The following ALG1L2 variants were observed in gnomAD, a reference collection of about 807,000 sequenced individuals.
ALG1L2 encodes putative glycosyltransferase ALG1L2.
ALG1L2 carries 32 observed loss-of-function variants against 29.0 expected under a neutral mutation model. The ratio of observed to expected loss-of-function variants is 1.10; its 90% CI spans 0.83 to 1.48. ALG1L2 has a LOEUF of 1.48. Among genes scored for constraint, ALG1L2 ranks in the 40% most tolerant of loss-of-function variants. The pLI is 0.00. For missense variants in ALG1L2, 318 were observed against 274.1 expected, an observed-to-expected ratio of 1.16 and a Z score of -1.13; for synonymous variants, 110 against 109.5, an observed-to-expected ratio of 1.00 and a Z score of -0.03.
At chr3:130,086,558 TC>T (rs1303047046) in intron 1 of ALG1L2, among the ~76,000 whole-genome samples, 24 of 147,744 alleles carry the variant, frequency 1.6e-4, no homozygotes, top group African/African-American at 5.7e-4. Context: ...ACACCTGTAG[TC>T]CCAGCTACTC....
chr3:130,090,935 C>T, intron 1 of ALG1L2: 1 of 320,406 alleles, frequency 3.1e-6, no homozygotes, highest in Non-Finnish European at 6.0e-6. Flanking sequence ...AGACATTCCT[C>T]CACACAATAA....
intron 1 of ALG1L2, among the ~76,000 whole-genome samples, chr3:130,083,082 T>G (rs1377824472): frequency 2.3e-5 from 3 of 132,398 alleles, no homozygotes; most frequent in African/African-American, 7.6e-5. Context: ...CTTTCAATTC[T>G]TCCTTATGCA....
intron 7 of ALG1L2, 21 bp from the exon 8 acceptor site, chr3:130,098,202 G>A (rs1309614264): frequency 1.3e-6 from 2 of 1,596,394 alleles, no homozygotes; most frequent in Admixed American, 1.7e-5. Context: ...GACAGGCAAT[G>A]AGGTAAGCTC....
At chr3:130,092,738 A>C (rs1436617124) in intron 3 of ALG1L2, among the ~76,000 whole-genome samples, 1 of 152,130 alleles carries the variant, frequency 6.6e-6, no homozygotes, top group Non-Finnish European at 1.5e-5. Context: ...TTTATTTAAA[A>C]ATTTTTTTCT....
intron 1 of ALG1L2, among the ~76,000 whole-genome samples, chr3:130,085,470 C>A (rs9813320): frequency 0.25 from 33,268 of 131,654 alleles, 2,814 homozygotes; most frequent in Non-Finnish European, 0.3. Context: ...AACTTGGCCT[C>A]AAGTGATCCT....
chr3:130,086,496 G>A (rs373221614), intron 1 of ALG1L2, among the ~76,000 whole-genome samples: 12 of 149,148 alleles, frequency 8.0e-5, no homozygotes, highest in African/African-American at 2.3e-4. Context: ...GTGAGACCTC[G>A]TCTCTACAAC....
At chr3:130,092,609 T>C (rs1254425043) in intron 3 of ALG1L2, among the ~76,000 whole-genome samples, 2 of 152,146 alleles carry the variant, frequency 1.3e-5, no homozygotes, top group Non-Finnish European at 2.9e-5. Flanking sequence ...AGTTGGGTCA[T>C]TGAGTGACCA....
intron 1 of ALG1L2, among the ~76,000 whole-genome samples, chr3:130,090,264 G>C (rs1292805616): frequency 1.3e-5 from 2 of 152,298 alleles, no homozygotes; most frequent in Admixed American, 6.5e-5. Context: ...GCTGAGGCAG[G>C]AGAATCACTT....
At chr3:130,084,209 C>T (rs375835716) in intron 1 of ALG1L2, among the ~76,000 whole-genome samples, 127 of 150,960 alleles carry the variant, frequency 8.4e-4, no homozygotes, top group Middle Eastern at 3.5e-3. Flanking sequence ...ACCTGTAATC[C>T]CAGCTACTCA....
At chr3:130,087,174 T>C (rs1206460057) in intron 1 of ALG1L2, among the ~76,000 whole-genome samples, 19 of 149,614 alleles carry the variant, frequency 1.3e-4, no homozygotes, top group African/African-American at 4.1e-4. Context: ...TTCACTTTGG[T>C]GTAATGGGGT....
intron 4 of ALG1L2, chr3:130,094,185 G>A (rs1419558510): frequency 1.0e-5 from 6 of 591,906 alleles, no homozygotes; most frequent in Admixed American, 5.8e-5. Context: ...CTGGTTGCAG[G>A]TGCAGGGCTA....
Position 130,094,496 on chromosome 3 carries a change from G to T in ALG1L2, c.407G>T (p.Gly136Val), listed in dbSNP as rs1330825609. The T allele has an allele frequency of 3.8e-6, 6 of 1,594,194 alleles. No individual in the cohort carries two copies. Among genetic ancestry groups the T allele is most frequent in the Non-Finnish European group, 5.1e-6 (6 of 1,178,814 alleles). Residue 136 changes from glycine (G) to valine (V), a missense_variant, in exon 5 of 8, where the codon GGA becomes GTA. Physicochemically the swap from Gly to Val is moderately radical, Grantham distance 109. Coordinates refer to ENST00000425059, the MANE Select transcript of ALG1L2 (RefSeq NM_001136152.1). The part of the protein sequence containing the change: ...QVCIPWLEGR[G>V]LPPLLGSVDL... ...TGCATCCCCTGGCTGGAGGGCCGAG[G>T]ACTACCCCCGCTTCTAGGTGAGAGG...
chr3:130,087,192 C>A (rs1463481931), intron 1 of ALG1L2, among the ~76,000 whole-genome samples: 1 of 149,752 alleles, frequency 6.7e-6, no homozygotes, highest in African/African-American at 2.4e-5. Flanking sequence ...GGTAAACCAT[C>A]AACATGTCCC....
chr3:130,088,598 A>G (rs2108117613), intron 1 of ALG1L2, among the ~76,000 whole-genome samples: 1 of 152,330 alleles, frequency 6.6e-6, no homozygotes, highest in East Asian at 1.9e-4. Context: ...TTGTATTTTT[A>G]TTAGAGATGG....
In ALG1L2 at chr3:130,082,095, C is replaced by A. The variant is rs77137566; in HGVS notation, c.20+59C>A. On this transcript the variant is annotated intron_variant, in intron 1 of 7. Transcript: ENST00000425059. ...TGCAGAGAAACCCTGGGTTGGCCTG[C>A]GTCTGATAGACTGGAGAGACCCTTG... 231 of 1,460,948 alleles carry A rather than the reference C, an allele frequency of 1.6e-4. 1 individual carries two copies. In the African/African-American group the frequency reaches 2.1e-3, roughly 14 times the overall value. The allele number at this position is 1,460,948 out of a possible 1,614,324, so 90.5% of individuals were successfully genotyped here.
intron 7 of ALG1L2, among the ~76,000 whole-genome samples, chr3:130,097,725 C>T (rs1219308482): frequency 2.0e-5 from 3 of 152,218 alleles, no homozygotes; most frequent in Non-Finnish European, 4.4e-5. Flanking sequence ...CCCCCAGTCT[C>T]TGTCAGAACC....
chr3:130,097,206 C>G lies in ALG1L2; in HGVS notation c.571C>G (p.Arg191Gly), dbSNP rs192945884. ...LHELVKHEENRLVFEDSEELA... is the reference protein window; with the variant it reads ...LHELVKHEENGLVFEDSEELA... ...TGAGCTGGTGAAACATGAAGAAAAC[C>G]GCCTGGTCTTTGAGGACTCAGAGGA... Residue 191 changes from arginine (R) to glycine (G), a missense_variant, in exon 7 of 8, where the codon CGC (arginine) becomes GGC (glycine). By Grantham distance (125) the Arg-to-Gly change is moderately radical (BLOSUM62 -2). Coordinates refer to ENST00000425059, the MANE Select transcript of ALG1L2 (RefSeq NM_001136152.1). 6.2e-7 allele frequency: 1 copy of G among 1,611,796 alleles called. No homozygotes were observed. Among genetic ancestry groups the G allele is most frequent in the Non-Finnish European group, 8.5e-7 (1 of 1,179,860 alleles).
At chr3:130,096,293 C>G (rs997762799) in intron 6 of ALG1L2, 130 bp downstream of exon 6, 10 of 918,992 alleles carry the variant, frequency 1.1e-5, no homozygotes, top group Non-Finnish European at 1.7e-5. Flanking sequence ...CTGGAGGCCA[C>G]GAGGAGGAGC....
At chr3:130,086,877 C>A (rs1406288039) in intron 1 of ALG1L2, among the ~76,000 whole-genome samples, 2 of 151,588 alleles carry the variant, frequency 1.3e-5, no homozygotes, top group African/African-American at 2.4e-5. Flanking sequence ...TAACCCCAAA[C>A]CCCTTCTAGA....
Sources: gnomAD v4.1 joint callset for allele counts (sites outside exome capture counted in the v4.1 genomes callset) on GRCh38, gnomAD v4.1.1 for gene constraint, MANE v1.5 for transcripts, NCBI Gene and HGNC (gene_info 2026-07-23, HGNC 2026-07-21) for gene names.